The following SPTAN1 variants were observed in gnomAD, a reference collection of about 807,000 sequenced individuals.
SPTAN1 encodes the protein spectrin alpha, non-erythrocytic 1.
SPTAN1 carries 61 observed loss-of-function variants against 331.3 expected under a neutral mutation model. The observed-to-expected ratio is 0.18, with a 90% confidence interval of 0.15 to 0.23. The LOEUF is 0.23. Ranked by LOEUF, SPTAN1 falls within the 10% of genes least tolerant of loss-of-function variation. The pLI, the probability that SPTAN1 is intolerant of heterozygous loss-of-function variation, is 1.00. For synonymous variants in SPTAN1, 1,153 were observed against 1,173.9 expected (o/e 0.98, Z 0.36); for missense variants, 2,043 against 3,147.9 (o/e 0.65, Z 8.40).
chr9:128,626,224 G>C, intron 48 of SPTAN1, 167 bp from the exon 49 acceptor site: 1 of 1,012,690 alleles, frequency 9.9e-7, no homozygotes, highest in Non-Finnish European at 1.5e-6. Flanking sequence ...AAAAAAGGCT[G>C]GTGAAGACTT....
intron 32 of SPTAN1, 27 bp downstream of exon 32, chr9:128,607,730 A>G (rs1197037438): frequency 2.5e-6 from 4 of 1,612,078 alleles, no homozygotes; most frequent in African/African-American, 1.3e-5. Flanking sequence ...GCTGAGTAGC[A>G]AAGACGTGGC....
At position 128,629,715 on chromosome 9, in the gene SPTAN1, G is replaced by T. The variant is rs532552554; in HGVS notation, c.6708-606G>T. On this transcript the variant is annotated intron_variant, in intron 51 of 56. Transcript: ENST00000372739. This position sits in a 1 kb window ranked among gnomAD's most constrained non-coding sequence, Gnocchi z 4.9. ...TAGAGAGGAGGCTCCCTCCCTGGCT[G>T]TGTCTAGAGGATGGAACCGGGATCT... 1 of 188,128 alleles carries T rather than the reference G, an allele frequency of 5.3e-6. No individual in the cohort carries two copies. The highest frequency in any genetic ancestry group is 1.1e-5 in the Non-Finnish European group (1 of 89,106). The allele number at this position is 188,128 out of a possible 1,614,324, so 11.7% of individuals were successfully genotyped here.
intron 44 of SPTAN1, among the ~76,000 whole-genome samples, chr9:128,619,230 C>G (rs1175242741): frequency 1.3e-5 from 2 of 152,216 alleles, no homozygotes; most frequent in Admixed American, 1.3e-4. Context: ...TTCACGGGCC[C>G]TGTCATTCAC....
In SPTAN1 at chr9:128,617,920, T is replaced by C; in HGVS notation, c.5479-67T>C. Reference sequence around the variant, plus strand: ...CAAACTTGATGTTGAGGCCTTTTCCTGGGAGCTTCGAGACAGAAGCACCAG... The same window carrying C: ...CAAACTTGATGTTGAGGCCTTTTCCCGGGAGCTTCGAGACAGAAGCACCAG... On this transcript the variant is annotated intron_variant, in intron 42 of 56. Transcript: ENST00000372739. 10 of 1,613,712 alleles carry C rather than the reference T, an allele frequency of 6.2e-6. No individual in the cohort carries two copies. The South Asian group carries it at 1.1e-4, about 18-fold the overall frequency.
chr9:128,581,689 T>A, intron 11 of SPTAN1, 93 bp from the exon 12 acceptor site: 1 of 948,322 alleles, frequency 1.1e-6, no homozygotes, highest in Non-Finnish European at 1.7e-6. Flanking sequence ...CTTTCCTTCT[T>A]TTTATATTTT....
chr9:128,566,347 C>T (rs1440121910), intron 1 of SPTAN1, among the ~76,000 whole-genome samples: 1 of 152,190 alleles, frequency 6.6e-6, no homozygotes, highest in Non-Finnish European at 1.5e-5. Flanking sequence ...TGCGCCACCG[C>T]ACCCCCTGCT....
At chr9:128,581,288 T>C (rs775274851) in intron 11 of SPTAN1, among the ~76,000 whole-genome samples, 1 of 152,056 alleles carries the variant, frequency 6.6e-6, no homozygotes, top group Admixed American at 6.6e-5. Context: ...TGATGTAAAA[T>C]GTTTTATTAA....
chr9:128,552,610 C>A lies in SPTAN1; in HGVS notation c.-90C>A, dbSNP rs929835178. ...CCGCCACTACCCGCTGCGGAGTGAA[C>A]GGTGTGGAGCGGAGGCCGCGGAGGC... On this transcript the variant is annotated 5_prime_UTR_variant, in exon 1 of 57. Transcript: ENST00000372739. This position sits in a 1 kb window ranked among gnomAD's most constrained non-coding sequence, Gnocchi z 4.6. 1 of 151,358 alleles carries A rather than the reference C, an allele frequency of 6.6e-6. No individual in the cohort carries two copies. The highest frequency in any genetic ancestry group is 1.5e-5 in the Non-Finnish European group (1 of 67,708). 9.4% of individuals were successfully genotyped at this position (151,358 alleles called of 1,614,324 possible).
intron 3 of SPTAN1, among the ~76,000 whole-genome samples, chr9:128,570,330 ATTTTT>A (rs541960678): frequency 2.7e-3 from 191 of 71,816 alleles, no homozygotes; most frequent in East Asian, 0.014. Context: ...ATATATATAT[ATTTTT>A]TTTTTTTTTT....
At position 128,568,810 on chromosome 9, in the gene SPTAN1, G is replaced by A; in HGVS notation, c.276G>A (p.Val92=). The A allele has an allele frequency of 6.2e-7, 1 of 1,614,148 alleles. No homozygotes were observed. The highest frequency in any genetic ancestry group is 2.2e-5 in the East Asian group (1 of 44,882). ...LQKHQAFEAE[V]QANSGAIVKL... The stretch of plus-strand genomic sequence containing the variant: ...AGCATCAAGCATTTGAAGCTGAAGT[G>A]CAGGCCAACTCAGGAGCCATTGTTA... The change falls in exon 3 of 57, where the codon GTG becomes GTA. Residue 92 remains valine (V), a synonymous_variant. Transcript: ENST00000372739.
intron 48 of SPTAN1, 84 bp from the exon 49 acceptor site, chr9:128,626,307 G>A: frequency 1.3e-6 from 2 of 1,541,044 alleles, no homozygotes; most frequent in East Asian, 2.2e-5. Flanking sequence ...TGATTCCCAG[G>A]AACCACCCCG....
intron 28 of SPTAN1, among the ~76,000 whole-genome samples, chr9:128,603,906 G>T (rs1234064973): frequency 1.3e-5 from 2 of 152,230 alleles, no homozygotes; most frequent in Non-Finnish European, 2.9e-5. Context: ...GCAGTGCGAG[G>T]TCCTGTGGCG....
At chr9:128,614,980 T>C (rs1217552096) in intron 40 of SPTAN1, among the ~76,000 whole-genome samples, 1 of 152,240 alleles carries the variant, frequency 6.6e-6, no homozygotes, top group Non-Finnish European at 1.5e-5. Flanking sequence ...TGTGATTATA[T>C]GATATCAAAA....
intron 10 of SPTAN1, 98 bp downstream of exon 10, chr9:128,579,836 CA>C (rs2131064349): frequency 1.0e-6 from 1 of 985,024 alleles, no homozygotes; most frequent in East Asian, 2.6e-5. Flanking sequence ...AGAACGCATT[CA>C]CCATGATATG....
At chr9:128,610,279 C>T (rs548039378) in intron 37 of SPTAN1, among the ~76,000 whole-genome samples, 1 of 152,172 alleles carries the variant, frequency 6.6e-6, no homozygotes, top group Non-Finnish European at 1.5e-5. Context: ...GTTACTTAAG[C>T]GGGTGGAAGA....
intron 3 of SPTAN1, among the ~76,000 whole-genome samples, chr9:128,570,795 T>G (rs1025909479): frequency 1.8e-4 from 28 of 152,084 alleles, no homozygotes; most frequent in Non-Finnish European, 2.9e-5. Context: ...TAGCTAGGAT[T>G]ACAGGCATGC....
Position 128,600,117 on chromosome 9 carries a change from T to G in SPTAN1, c.3579+2T>G, listed in dbSNP as rs745625336. 19 of 1,614,184 alleles carry G rather than the reference T, an allele frequency of 1.2e-5. No individual in the cohort carries two copies. Among genetic ancestry groups the G allele is most frequent in the Non-Finnish European group, 1.6e-5 (19 of 1,179,984 alleles). Reference sequence around the variant, plus strand: ...TCCAAGACAGCCTCCCCGTGGAAGGTAAGAACTCCTTTGCAAATTATTGTT... The same window carrying G: ...TCCAAGACAGCCTCCCCGTGGAAGGGAAGAACTCCTTTGCAAATTATTGTT... On this transcript the variant is annotated splice_donor_variant, in intron 27 of 56. Transcript: ENST00000372739. LOFTEE classifies it high-confidence loss of function.
At chr9:128,600,897 A>G (rs1178859753) in intron 27 of SPTAN1, among the ~76,000 whole-genome samples, 3 of 148,688 alleles carry the variant, frequency 2.0e-5, no homozygotes, top group Admixed American at 6.7e-5. Flanking sequence ...TCCTGACCTC[A>G]GGTGATCTGC....
chr9:128,597,540 A>G (rs1302427279), intron 24 of SPTAN1, among the ~76,000 whole-genome samples: 1 of 152,198 alleles, frequency 6.6e-6, no homozygotes, highest in Non-Finnish European at 1.5e-5. Flanking sequence ...ACAAAAAACT[A>G]CAGTTAATGA....
Sources: gnomAD v4.1 joint callset for allele counts (sites outside exome capture counted in the v4.1 genomes callset) on GRCh38, gnomAD v4.1.1 for gene constraint, Gnocchi (gnomAD v3.1) non-coding constraint, MANE v1.5 for transcripts, NCBI Gene and HGNC (gene_info 2026-07-23, HGNC 2026-07-21) for gene names.